The following FARP1 variants were observed in gnomAD, a reference collection of about 807,000 sequenced individuals.
The protein encoded by FARP1 is FERM, ARH/RhoGEF and pleckstrin domain protein 1, also known as FERM, ARHGEF and pleckstrin domain-containing protein 1.
Under a neutral mutation model 128.8 loss-of-function variants are expected in FARP1, and 52 were observed. That is an observed-to-expected ratio of 0.40 (90% CI 0.32 to 0.51). The LOEUF is 0.51. Among genes scored for constraint, FARP1 ranks in the 20% least tolerant of loss-of-function variants. FARP1 has a pLI of 0.45. For synonymous variants in FARP1, 580 were observed against 551.8 expected (o/e 1.05, Z -0.72); for missense variants, 1,333 against 1,367.9 (o/e 0.97, Z 0.40).
Position 98,259,521 on chromosome 13 carries a change from C to T in FARP1, c.171+46108C>T, listed in dbSNP as rs551883726. ...TCAGGCTTGGCTCCAGAGGTTTCACCGTGAGCAGGGGACCAGTGTTTTGCC... is the reference window on the plus strand; with the variant it reads ...TCAGGCTTGGCTCCAGAGGTTTCACTGTGAGCAGGGGACCAGTGTTTTGCC... On this transcript the variant is annotated intron_variant, in intron 2 of 26. Coordinates refer to ENST00000319562, the MANE Select transcript of FARP1 (RefSeq NM_005766.4). Among the ~76,000 whole-genome samples the T allele has an allele frequency of 5.9e-5, 9 of 152,210 alleles. No individual in the cohort carries two copies. In the East Asian group the frequency reaches 1.2e-3, roughly 20 times the overall value.
At chr13:98,209,980 T>C (rs1300897387) in intron 1 of FARP1, among the ~76,000 whole-genome samples, 1 of 150,490 alleles carries the variant, frequency 6.6e-6, no homozygotes, top group Non-Finnish European at 1.5e-5. Flanking sequence ...TGAGATTCCA[T>C]TGCAAATAAT....
intron 13 of FARP1, chr13:98,406,002 C>T (rs1289539724): frequency 6.6e-6 from 1 of 152,176 alleles, no homozygotes; most frequent in Non-Finnish European, 1.5e-5. Context: ...TGTTTGTTTG[C>T]TTTTTTGTAA....
chr13:98,411,854 C>A, intron 15 of FARP1, 47 bp from the exon 16 acceptor site: 1 of 1,596,620 alleles, frequency 6.3e-7, no homozygotes, highest in Middle Eastern at 1.7e-4. Flanking sequence ...TGCAGACACT[C>A]GTCATTGATC....
intron 2 of FARP1, among the ~76,000 whole-genome samples, chr13:98,327,778 T>G (rs780062304): frequency 2.5e-4 from 38 of 152,258 alleles, no homozygotes; most frequent in Admixed American, 9.8e-4. Context: ...GAAAGGAGCT[T>G]TTTGTTTCTC....
At chr13:98,205,036 G>C (rs1880186082) in intron 1 of FARP1, among the ~76,000 whole-genome samples, 1 of 152,150 alleles carries the variant, frequency 6.6e-6, no homozygotes, top group South Asian at 2.1e-4. Flanking sequence ...ATTCTTTGAG[G>C]ATGTTTTTGG....
In FARP1 at chr13:98,296,522, C is replaced by CT. The variant is rs60810108; in HGVS notation, c.172-47239dup. On this transcript the variant is annotated intron_variant, in intron 2 of 26. Transcript: ENST00000319562. ...GATCTGTGAAGACAGGGACCCCCCG[C>CT]TCTTCATGCACATCCTCCACTCCTA... is the stretch of plus-strand genomic sequence containing the variant. Among the ~76,000 whole-genome samples the CT allele has an allele frequency of 8.1e-3, 1,196 of 148,392 alleles. 6 individuals are homozygous for CT. Among genetic ancestry groups the CT allele is most frequent in the South Asian group, 0.036 (166 of 4,618 alleles).
At chr13:98,259,191 C>G (rs1470094540) in intron 2 of FARP1, among the ~76,000 whole-genome samples, 1 of 152,074 alleles carries the variant, frequency 6.6e-6, no homozygotes, top group Non-Finnish European at 1.5e-5. Context: ...ACTGTCACCC[C>G]TGGGCAACAG....
chr13:98,381,302 G>A (rs1359450009), intron 6 of FARP1, among the ~76,000 whole-genome samples: 2 of 152,096 alleles, frequency 1.3e-5, no homozygotes, highest in African/African-American at 4.8e-5. Context: ...AGGTATAAGG[G>A]GTCAAGTCAT....
chr13:98,254,362 G>A (rs1476107214), intron 2 of FARP1, among the ~76,000 whole-genome samples: 5 of 152,206 alleles, frequency 3.3e-5, no homozygotes, highest in African/African-American at 1.2e-4. Context: ...TATATCATCT[G>A]TAAAGTGTGG....
At chr13:98,414,028 A>G (rs1292827003) in intron 16 of FARP1, among the ~76,000 whole-genome samples, 4 of 152,170 alleles carry the variant, frequency 2.6e-5, no homozygotes, top group South Asian at 4.1e-4. Flanking sequence ...CTGGCTCCCC[A>G]TTGGAGGGCG....
At chr13:98,184,785 T>C (rs16955016) in intron 1 of FARP1, among the ~76,000 whole-genome samples, 5,996 of 152,270 alleles carry the variant, frequency 0.039, 367 homozygotes, top group African/African-American at 0.14. Flanking sequence ...CCGTGTCTAC[T>C]CTCTTTTGTG....
rs1270361121 is a variant in FARP1 at position 98,313,246 on chromosome 13, C to CACACACAA, written c.172-30509_172-30508insAACACACA. On this transcript the variant is annotated intron_variant, in intron 2 of 26. Coordinates refer to ENST00000319562, the MANE Select transcript of FARP1 (RefSeq NM_005766.4). ...CTGGAATCGGGTGGGTCATAATACA[C>CACACACAA]ACACACACACACACACACACACACA... Among the ~76,000 whole-genome samples, 8 of 133,000 alleles carry CACACACAA rather than the reference C, an allele frequency of 6.0e-5. No homozygotes were observed. In the East Asian group the frequency reaches 1.4e-3, roughly 23 times the overall value. 87.3% of individuals were successfully genotyped at this position (133,000 alleles called of 152,430 possible).
Position 98,144,170 on chromosome 13 carries a change from T to C in FARP1, c.-24+678T>C, listed in dbSNP as rs143171153. ...TTTACGATTCAAGTTCCGGAAACTT[T>C]AGCTGTGTGATCCGGCTGGACCCCG... On this transcript the variant is annotated intron_variant, in intron 1 of 26. Coordinates refer to ENST00000319562, the MANE Select transcript of FARP1 (RefSeq NM_005766.4). Among the ~76,000 whole-genome samples the C allele has an allele frequency of 5.9e-5, 9 of 152,286 alleles. No homozygotes were observed. In the East Asian group the frequency reaches 1.4e-3, roughly 23 times the overall value.
intron 2 of FARP1, among the ~76,000 whole-genome samples, chr13:98,330,898 A>ACCT (rs1887480132): frequency 6.6e-6 from 1 of 152,142 alleles, no homozygotes; most frequent in African/African-American, 2.4e-5. Context: ...TAGGCATGTG[A>ACCT]GGCTCTCTAG....
rs79707870 is a variant in FARP1 at position 98,214,488 on chromosome 13, A to T, written c.171+1075A>T. On this transcript the variant is annotated intron_variant, in intron 2 of 26. Coordinates refer to ENST00000319562, the MANE Select transcript of FARP1 (RefSeq NM_005766.4). ...CACACCTGTTTTTAACATAGAGATG[A>T]TCTGTGTGTCATTCCTGTTGGCTAG... Among the ~76,000 whole-genome samples the T allele has an allele frequency of 8.1e-4, 124 of 152,258 alleles. 4 individuals carry two copies. In the South Asian group the frequency reaches 0.025, roughly 31 times the overall value.
rs185790523 is a variant in FARP1 at position 98,301,191 on chromosome 13, C to G, written c.172-42571C>G. On this transcript the variant is annotated intron_variant, in intron 2 of 26. Transcript: ENST00000319562. Reference sequence around the variant, plus strand: ...GTCAGTAATGCAGAGCTCATGCCAGCCCCCACCTGGAGGAGCCCTGGGCAA... The same window carrying G: ...GTCAGTAATGCAGAGCTCATGCCAGGCCCCACCTGGAGGAGCCCTGGGCAA... 2.6e-3 allele frequency among the ~76,000 whole-genome samples: 391 copies of G among 152,336 alleles called. 1 individual carries two copies. The highest frequency in any genetic ancestry group is 3.9e-3 in the Non-Finnish European group (264 of 68,026).
intron 1 of FARP1, among the ~76,000 whole-genome samples, chr13:98,145,861 C>CA (rs140525790): frequency 0.23 from 29,493 of 130,194 alleles, 3,632 homozygotes; most frequent in East Asian, 0.49. Flanking sequence ...GACTCTGTCT[C>CA]AAAAAAAAAA....
At chr13:98,223,968 G>A (rs1008295208) in intron 2 of FARP1, among the ~76,000 whole-genome samples, 5 of 152,176 alleles carry the variant, frequency 3.3e-5, no homozygotes, top group Admixed American at 3.3e-4. Flanking sequence ...ATTTGCCTGT[G>A]ACATGAACTA....
chr13:98,343,014 A>C (rs1888033206), intron 2 of FARP1, among the ~76,000 whole-genome samples: 1 of 152,064 alleles, frequency 6.6e-6, no homozygotes, highest in Non-Finnish European at 1.5e-5. Context: ...ATAAGAGCAA[A>C]ACTCTGTCTC....
Sources: allele counts gnomAD v4.1 joint callset (sites outside exome capture counted in the v4.1 genomes callset), GRCh38; gene constraint gnomAD v4.1.1; transcripts MANE v1.5; gene names NCBI Gene and HGNC (gene_info 2026-07-23, HGNC 2026-07-21).